The following ZNF804A variants were observed in gnomAD, a reference collection of about 807,000 sequenced individuals.
ZNF804A encodes zinc finger protein 804A.
Under a neutral mutation model 16.5 loss-of-function variants are expected in ZNF804A, and 2 were observed. The observed-to-expected ratio is 0.12, with a 90% CI of 0.05 to 0.38. The LOEUF (loss-of-function observed/expected upper bound fraction) is 0.38. ZNF804A is among the 10% of genes least tolerant of loss of function. The pLI, the probability that ZNF804A is intolerant of heterozygous loss-of-function variation, is 0.99. For synonymous variants in ZNF804A, 534 were observed against 489.6 expected, an observed-to-expected ratio of 1.09 and a Z score of -1.20; for missense variants, 1,473 against 1,390.7, an observed-to-expected ratio of 1.06 and a Z score of -0.94.
At chr2:184,793,787 G>A (rs1184876040) in intron 1 of ZNF804A, among the ~76,000 whole-genome samples, 1 of 152,014 alleles carries the variant, frequency 6.6e-6, no homozygotes, top group Admixed American at 6.6e-5. Context: ...CATCCTCATA[G>A]CTGAGCTCCC....
At chr2:184,653,404 C>A (rs1692020324) in intron 1 of ZNF804A, among the ~76,000 whole-genome samples, 1 of 152,110 alleles carries the variant, frequency 6.6e-6, no homozygotes, top group Non-Finnish European at 1.5e-5. Flanking sequence ...TCTGCAGCAA[C>A]ATCAGTTCTC....
At chr2:184,843,861 G>A (rs1695474647) in intron 1 of ZNF804A, among the ~76,000 whole-genome samples, 1 of 151,910 alleles carries the variant, frequency 6.6e-6, no homozygotes, top group Admixed American at 6.6e-5. Flanking sequence ...GGTATAATTA[G>A]GCCCTTCAGT....
intron 1 of ZNF804A, among the ~76,000 whole-genome samples, chr2:184,770,770 A>G (rs1229862486): frequency 2.0e-5 from 3 of 152,062 alleles, no homozygotes; most frequent in Non-Finnish European, 2.9e-5. Flanking sequence ...TCTGAAATGT[A>G]AAAGATATAT....
intron 1 of ZNF804A, among the ~76,000 whole-genome samples, chr2:184,634,830 C>A (rs567219055): frequency 2.0e-5 from 3 of 152,062 alleles, no homozygotes; most frequent in Non-Finnish European, 4.4e-5. Flanking sequence ...TTTGTTACAA[C>A]AATAGGAAAC....
intron 1 of ZNF804A, among the ~76,000 whole-genome samples, chr2:184,683,662 G>A (rs1692577865): frequency 6.6e-6 from 1 of 152,144 alleles, no homozygotes; most frequent in Non-Finnish European, 1.5e-5. Context: ...GCAAGGTAGA[G>A]GGTGAGGGAA....
intron 1 of ZNF804A, among the ~76,000 whole-genome samples, chr2:184,723,971 C>G (rs930267637): frequency 6.6e-6 from 1 of 151,700 alleles, no homozygotes; most frequent in Non-Finnish European, 1.5e-5. Flanking sequence ...AATTAACATA[C>G]TTAGAAATTA....
intron 1 of ZNF804A, among the ~76,000 whole-genome samples, chr2:184,710,980 T>G (rs1693116550): frequency 6.6e-6 from 1 of 151,792 alleles, no homozygotes; most frequent in Admixed American, 6.6e-5. Flanking sequence ...AAGTCCAGAT[T>G]TTTTTGGAGA....
At chr2:184,733,654 T>G (rs879783510) in intron 1 of ZNF804A, among the ~76,000 whole-genome samples, 1 of 152,194 alleles carries the variant, frequency 6.6e-6, no homozygotes. Context: ...GAGCTTTGTA[T>G]GTTCTGTTTT....
rs1685838767 is a variant in ZNF804A at position 184,938,650 on chromosome 2, C to G, written c.3254C>G (p.Pro1085Arg). ...PPPSTPLQPL[P>R]LQQSLCSTSV... is the part of the protein sequence containing the mutation. The stretch of plus-strand genomic sequence containing the variant: ...CCTAGCACACCTCTGCAGCCTTTGC[C>G]TTTGCAGCAGTCCTTATGTTCTACC... Residue 1085 changes from proline (P) to arginine (R), a missense_variant, in exon 4 of 4, where the codon CCT (proline) becomes CGT (arginine). Physicochemically the swap from Pro to Arg is moderately radical, Grantham distance 103. Coordinates refer to ENST00000302277, the MANE Select transcript of ZNF804A (RefSeq NM_194250.2). 6.2e-7 allele frequency: 1 copy of G among 1,613,884 alleles called. No individual in the cohort carries two copies.
intron 1 of ZNF804A, among the ~76,000 whole-genome samples, chr2:184,649,044 C>A (rs1351888310): frequency 6.6e-6 from 1 of 151,914 alleles, no homozygotes; most frequent in Non-Finnish European, 1.5e-5. Flanking sequence ...CAAAGCAAGT[C>A]TCAATAAGTT....
intron 1 of ZNF804A, among the ~76,000 whole-genome samples, chr2:184,742,532 G>T (rs911670428): frequency 6.6e-6 from 1 of 151,840 alleles, no homozygotes; most frequent in Non-Finnish European, 1.5e-5. Context: ...TTTGCATATT[G>T]TATGGCACTT....
chr2:184,744,529 C>A (rs1467975406), intron 1 of ZNF804A, among the ~76,000 whole-genome samples: 2 of 151,762 alleles, frequency 1.3e-5, no homozygotes, highest in Admixed American at 6.6e-5. Flanking sequence ...ATCTATGAAC[C>A]AGAAAGCAGG....
chr2:184,787,640 A>G (rs113096504), intron 1 of ZNF804A, among the ~76,000 whole-genome samples: 2,216 of 151,824 alleles, frequency 0.015, 59 homozygotes, highest in African/African-American at 0.05. Context: ...TTCGTTGGCC[A>G]CTTGTATTTC....
At chr2:184,761,382 T>C (rs949443332) in intron 1 of ZNF804A, among the ~76,000 whole-genome samples, 1 of 152,160 alleles carries the variant, frequency 6.6e-6, no homozygotes, top group South Asian at 2.1e-4. Flanking sequence ...AATCAAATTG[T>C]GTTCAGCCAG....
chr2:184,841,048 TTC>T lies in ZNF804A; in HGVS notation c.112-25315_112-25314del, dbSNP rs1695429387. On this transcript the variant is annotated intron_variant, in intron 1 of 3. Coordinates refer to ENST00000302277, the MANE Select transcript of ZNF804A (RefSeq NM_194250.2). ...TTTCAGTTATCTTTGCCTCATGATT[TTC>T]TCTCTGTACGTGTTTTCCCTTTGAA... Among the ~76,000 whole-genome samples the T allele has an allele frequency of 2.0e-5, 3 of 152,292 alleles. No homozygotes were observed. The South Asian group carries it at 6.2e-4, about 32-fold the overall frequency.
chr2:184,866,518 A>G lies in ZNF804A; in HGVS notation c.255+6A>G, dbSNP rs973149698. On this transcript the variant is annotated splice_donor_region_variant and intron_variant, in intron 2 of 3. Coordinates refer to ENST00000302277, the MANE Select transcript of ZNF804A (RefSeq NM_194250.2). The stretch of plus-strand genomic sequence containing the variant: ...ATGACCATGCTCACAAGCAGGTAAG[A>G]AAGAGATGTGAAAAAATTCTGGCAT... 6.3e-7 allele frequency: 1 copy of G among 1,596,326 alleles called. No homozygotes were observed. The highest frequency in any genetic ancestry group is 1.4e-5 in the African/African-American group (1 of 73,670).
At chr2:184,731,573 T>C (rs1174564699) in intron 1 of ZNF804A, among the ~76,000 whole-genome samples, 1 of 144,694 alleles carries the variant, frequency 6.9e-6, no homozygotes, top group Non-Finnish European at 1.5e-5. Context: ...GCTTTTTTTT[T>C]TTTTTTTTTT....
chr2:184,807,398 G>A (rs1277027996), intron 1 of ZNF804A, among the ~76,000 whole-genome samples: 1 of 151,834 alleles, frequency 6.6e-6, no homozygotes, highest in East Asian at 1.9e-4. Context: ...GGATAGATGT[G>A]AAGGGATAGA....
chr2:184,803,266 A>G (rs1166057750), intron 1 of ZNF804A, among the ~76,000 whole-genome samples: 6 of 152,016 alleles, frequency 3.9e-5, no homozygotes, highest in Non-Finnish European at 7.4e-5. Flanking sequence ...ATCTCTTTCA[A>G]GTCATATTCT....
Sources: gnomAD v4.1 joint callset for allele counts (sites outside exome capture counted in the v4.1 genomes callset) on GRCh38, gnomAD v4.1.1 for gene constraint, MANE v1.5 for transcripts, NCBI Gene and HGNC (gene_info 2026-07-23, HGNC 2026-07-21) for gene names.